Variants in MACF1 observed in about 807,000 individuals in gnomAD.
MACF1 encodes microtubule actin crosslinking factor 1.
MACF1 carries 193 observed loss-of-function variants against 854.8 expected under a neutral mutation model. The observed-to-expected ratio is 0.23, with a 90% CI of 0.20 to 0.25. MACF1 has a LOEUF of 0.25. Among genes scored for constraint, MACF1 ranks in the 10% least tolerant of loss-of-function variants. The pLI is 1.00. For synonymous variants in MACF1, 3,185 were observed against 3,226.7 expected, an observed-to-expected ratio of 0.99 and a Z score of 0.44; for missense variants, 7,722 against 8,929.1, an observed-to-expected ratio of 0.86 and a Z score of 5.45.
At chr1:39,098,213 A>C (rs1435433699) in intron 2 of MACF1, among the ~76,000 whole-genome samples, 1 of 152,244 alleles carries the variant, frequency 6.6e-6, no homozygotes. Context: ...ACCTTTTATA[A>C]CTACTATTGT....
rs1032129374 is a variant in MACF1 at position 39,409,212 on chromosome 1, G to C, written c.15817-13162G>C. On this transcript the variant is annotated intron_variant, in intron 58 of 100. Transcript: ENST00000564288. The surrounding 1 kb of genome is among the most constrained non-coding windows in gnomAD (Gnocchi z 4.2). Reference sequence around the variant, plus strand: ...GGACCGTGACAGCTGCGGGCGGGGAGGACGGCGGGGCCGCGGGGCCAGCGG... The same window carrying C: ...GGACCGTGACAGCTGCGGGCGGGGACGACGGCGGGGCCGCGGGGCCAGCGG... Among the ~76,000 whole-genome samples the C allele has an allele frequency of 6.6e-6, 1 of 152,100 alleles. No individual in the cohort carries two copies. The highest frequency in any genetic ancestry group is 2.4e-5 in the African/African-American group (1 of 41,442).
chr1:39,367,374 T>A lies in MACF1; in HGVS notation c.12772-774T>A, dbSNP rs183324967. ...TTTTAATTATTAAATTAACTTTTTT[T>A]AAAAAATAGAGATGGAGTTTTGCCA... On this transcript the variant is annotated intron_variant, in intron 49 of 100. Coordinates refer to ENST00000564288, the MANE Select transcript of MACF1 (RefSeq NM_001394062.1). Among the ~76,000 whole-genome samples the A allele has an allele frequency of 4.3e-4, 66 of 152,232 alleles. 2 individuals are homozygous for A. The East Asian group carries it at 8.5e-3, about 20-fold the overall frequency.
At chr1:39,177,992 C>T (rs185967494) in intron 2 of MACF1, among the ~76,000 whole-genome samples, 11 of 151,886 alleles carry the variant, frequency 7.2e-5, no homozygotes, top group African/African-American at 2.4e-4. Flanking sequence ...ATGGGATCAC[C>T]GAGAGGGGGA....
At chr1:39,273,305 A>G (rs1016169519) in intron 6 of MACF1, among the ~76,000 whole-genome samples, 3 of 150,912 alleles carry the variant, frequency 2.0e-5, no homozygotes, top group Non-Finnish European at 1.5e-5. Flanking sequence ...ACGCCCAGCT[A>G]TATACCAGTG....
In MACF1 at chr1:39,357,858, G is replaced by A; in HGVS notation, c.11908G>A (p.Asp3970Asn). 1.2e-6 allele frequency: 2 copies of A among 1,613,812 alleles called. No homozygotes were observed. Among genetic ancestry groups the A allele is most frequent in the East Asian group, 2.2e-5 (1 of 44,890 alleles). ...AAACTTAGTAAAGGACAAGTTGAAG[G>A]ATGCAACAGAAAGATACACTGCTCT... is the stretch of plus-strand genomic sequence containing the variant. ...IGNLVKDKLK[D>N]ATERYTALHS... Residue 3970 changes from aspartate (D) to asparagine (N), a missense_variant, in exon 45 of 101, where the codon GAT becomes AAT. By Grantham distance (23) the Asp-to-Asn change is conservative. Around this residue, in one of 15 missense-constraint regions of MACF1, gnomAD observed 2,807 missense variants for 3,235.8 expected, o/e 0.87. Transcript: ENST00000564288.
At position 39,333,111 on chromosome 1, in the gene MACF1, G is replaced by A; in HGVS notation, c.6523G>A (p.Ala2175Thr). The A allele has an allele frequency of 6.2e-7, 1 of 1,614,100 alleles. No individual in the cohort carries two copies. Among genetic ancestry groups the A allele is most frequent in the Non-Finnish European group, 8.5e-7 (1 of 1,180,010 alleles). The part of the protein sequence containing the change: ...NTSFTCQNEQ[A>T]HTLETEYIHD... ...TTCCTTTACATGTCAGAATGAACAAGCACACACTCTTGAGACTGAATATAT... is the reference window on the plus strand; with the variant it reads ...TTCCTTTACATGTCAGAATGAACAAACACACACTCTTGAGACTGAATATAT... Residue 2175 changes from alanine (A) to threonine (T), a missense_variant, in exon 37 of 101, where the codon GCA (alanine) becomes ACA (threonine). By Grantham distance (58) the Ala-to-Thr change is moderately conservative. Around this residue, in one of 15 missense-constraint regions of MACF1, gnomAD observed 1,531 missense variants for 1,601.6 expected, o/e 0.96. Coordinates refer to ENST00000564288, the MANE Select transcript of MACF1 (RefSeq NM_001394062.1).
At chr1:39,344,318 G>C (rs1230043168) in intron 40 of MACF1, among the ~76,000 whole-genome samples, 6 of 151,434 alleles carry the variant, frequency 4.0e-5, no homozygotes, top group South Asian at 2.1e-4. Flanking sequence ...TGTAATCTCA[G>C]TTACTTGGGA....
intron 94 of MACF1, 147 bp from the exon 95 acceptor site, chr1:39,464,945 GGCA>G: frequency 1.4e-6 from 1 of 739,260 alleles, no homozygotes; most frequent in East Asian, 2.5e-5. Context: ...ACATCCCTGT[GGCA>G]GGAGCTTGGT....
rs372179124 is a variant in MACF1 at position 39,447,784 on chromosome 1, T to C, written c.19854T>C (p.Asp6618=). 2.5e-6 allele frequency: 4 copies of C among 1,613,898 alleles called. No individual in the cohort carries two copies. In the African/African-American group the frequency reaches 5.3e-5, roughly 22 times the overall value. ...NQLKFLSQKQ[D]VVLIKNLLVS... ...TAAAGTTCCTTAGCCAAAAGCAGGA[T>C]GTTGTTCTGATCAAGAATTTGTTGG... Residue 6618 remains aspartate, a synonymous_variant, in exon 82 of 101, where the codon GAT becomes GAC. Coordinates refer to ENST00000564288, the MANE Select transcript of MACF1 (RefSeq NM_001394062.1).
At chr1:39,465,544 T>G (rs988086906) in intron 95 of MACF1, among the ~76,000 whole-genome samples, 3 of 152,272 alleles carry the variant, frequency 2.0e-5, no homozygotes, top group African/African-American at 7.2e-5. Flanking sequence ...TTACTTATAT[T>G]GTATGTTATA....
chr1:39,101,913 G>T (rs935683818), intron 2 of MACF1, among the ~76,000 whole-genome samples: 4 of 150,416 alleles, frequency 2.7e-5, no homozygotes, highest in Non-Finnish European at 5.9e-5. Context: ...GCGGTGGCTC[G>T]CGCCTGTAAT....
intron 1 of MACF1, among the ~76,000 whole-genome samples, chr1:39,221,745 T>C (rs1419435595): frequency 1.3e-5 from 2 of 152,220 alleles, no homozygotes; most frequent in African/African-American, 4.8e-5. Context: ...TTCTTTACTT[T>C]CCTGCTGCCT....
intron 2 of MACF1, among the ~76,000 whole-genome samples, chr1:39,235,971 C>G (rs1172516764): frequency 6.6e-6 from 1 of 152,182 alleles, no homozygotes; most frequent in African/African-American, 2.4e-5. Flanking sequence ...CTCCTGACCT[C>G]AAGTAGTCCT....
chr1:39,360,012 A>AAATAT (rs1557608845), intron 47 of MACF1, among the ~76,000 whole-genome samples: 17 of 28,832 alleles, frequency 5.9e-4, no homozygotes, highest in Admixed American at 1.9e-3. Context: ...AAAAAAAAAA[A>AAATAT]ATATATATAT....
Position 39,084,280 on chromosome 1 carries a change from G to T in MACF1, c.62G>T (p.Arg21Leu). ...TCATGTCGGAGTGAGCGGTCTTGTCGGAGTGAGCGATCTTACAGGAGCGAG... is the reference window on the plus strand; with the variant it reads ...TCATGTCGGAGTGAGCGGTCTTGTCTGAGTGAGCGATCTTACAGGAGCGAG... The change falls in exon 2 of 94, where the codon CGG becomes CTG. Residue 21 changes from arginine to leucine, a missense_variant. By Grantham distance (102) the Arg-to-Leu change is moderately radical. Transcript: ENST00000361689. The surrounding 1 kb of genome is among the most constrained non-coding windows in gnomAD (Gnocchi z 5.2). 3 of 1,613,932 alleles carry T rather than the reference G, an allele frequency of 1.9e-6. No individual in the cohort carries two copies. Among genetic ancestry groups the T allele is most frequent in the Non-Finnish European group, 2.5e-6 (3 of 1,179,980 alleles).
At chr1:39,404,494 A>G (rs1191010334) in intron 58 of MACF1, among the ~76,000 whole-genome samples, 2 of 151,908 alleles carry the variant, frequency 1.3e-5, no homozygotes, top group East Asian at 3.9e-4. Flanking sequence ...ATTAACAACA[A>G]CAACAAAAAA....
intron 2 of MACF1, among the ~76,000 whole-genome samples, chr1:39,241,055 T>G (rs1002222005): frequency 7.2e-5 from 11 of 151,992 alleles, no homozygotes; most frequent in African/African-American, 1.2e-4. Context: ...AATCTGTTTT[T>G]TTTTTTTTTT....
chr1:39,425,323 A>T (rs1643689851), intron 61 of MACF1, among the ~76,000 whole-genome samples: 2 of 151,614 alleles, frequency 1.3e-5, no homozygotes, highest in Admixed American at 1.3e-4. Context: ...TTCACTAATC[A>T]CTCTACCACT....
intron 2 of MACF1, among the ~76,000 whole-genome samples, chr1:39,088,058 C>T (rs1331788980): frequency 3.9e-5 from 6 of 152,088 alleles, no homozygotes; most frequent in African/African-American, 7.2e-5. Flanking sequence ...CTGCAGGCTC[C>T]GCCCCCTGGT....
Sources: gnomAD v4.1 joint callset for allele counts (sites outside exome capture counted in the v4.1 genomes callset) on GRCh38, gnomAD v4.1.1 for gene constraint, gnomAD v4.1.1 regional missense constraint, Gnocchi (gnomAD v3.1) non-coding constraint, MANE v1.5 for transcripts, NCBI Gene and HGNC (gene_info 2026-07-23, HGNC 2026-07-21) for gene names.